Variants in SLC9A9 observed in about 807,000 individuals in gnomAD.
SLC9A9 encodes the protein solute carrier family 9 member A9.
Under a neutral mutation model 77.8 loss-of-function variants are expected in SLC9A9, and 62 were observed. The ratio of observed to expected loss-of-function variants is 0.80; its 90% CI spans 0.65 to 0.98. The LOEUF is 0.98. Ranked by LOEUF, SLC9A9 falls within the 50% of genes least tolerant of loss-of-function variation. SLC9A9 has a pLI of 0.00. For missense variants in SLC9A9, 775 were observed against 774.9 expected, an observed-to-expected ratio of 1.00 and a Z score of 0.00; for synonymous variants, 320 against 283.5, an observed-to-expected ratio of 1.13 and a Z score of -1.29.
intron 6 of SLC9A9, among the ~76,000 whole-genome samples, chr3:143,587,518 G>T (rs1415673542): frequency 6.6e-6 from 1 of 152,252 alleles, no homozygotes; most frequent in East Asian, 1.9e-4. Context: ...CCACAAGGAG[G>T]CCAGCATGGC....
intron 5 of SLC9A9, among the ~76,000 whole-genome samples, chr3:143,667,954 A>G (rs1415218220): frequency 2.6e-5 from 4 of 152,092 alleles, no homozygotes; most frequent in East Asian, 1.9e-4. Flanking sequence ...AACCAGAAAT[A>G]CCATTTGACC....
chr3:143,765,296 C>A (rs2007279186), intron 4 of SLC9A9, among the ~76,000 whole-genome samples: 1 of 152,050 alleles, frequency 6.6e-6, no homozygotes, highest in South Asian at 2.1e-4. Context: ...GCCTTGGCCT[C>A]CCAAAGTGCT....
intron 5 of SLC9A9, among the ~76,000 whole-genome samples, chr3:143,654,035 A>G (rs2108750303): frequency 6.6e-6 from 1 of 152,314 alleles, no homozygotes; most frequent in African/African-American, 2.4e-5. Context: ...CTTGAGAGGC[A>G]GCAAGGAATG....
chr3:143,498,283 T>A (rs1237225481), intron 9 of SLC9A9, among the ~76,000 whole-genome samples: 2 of 152,246 alleles, frequency 1.3e-5, no homozygotes, highest in African/African-American at 2.4e-5. Context: ...TAATATTTCA[T>A]AGTCTAGACT....
intron 12 of SLC9A9, among the ~76,000 whole-genome samples, chr3:143,448,967 A>T (rs866133189): frequency 0.066 from 1,049 of 15,932 alleles, 504 homozygotes; most frequent in East Asian, 0.17. Context: ...TAATTATATA[A>T]ATATAATTAT....
chr3:143,844,709 TTCTC>T (rs1244771537), intron 1 of SLC9A9, among the ~76,000 whole-genome samples: 6 of 148,950 alleles, frequency 4.0e-5, no homozygotes, highest in African/African-American at 7.4e-5. Flanking sequence ...TTAACTTTCT[TTCTC>T]TTTCTTTCTT....
At position 143,796,835 on chromosome 3, in the gene SLC9A9, A is replaced by T; in HGVS notation, c.447T>A (p.Ser149Arg). 6.2e-7 allele frequency: 1 copy of T among 1,607,262 alleles called. No individual in the cohort carries two copies. Among genetic ancestry groups the T allele is most frequent in the Non-Finnish European group, 8.5e-7 (1 of 1,174,548 alleles). ...ATCACTATATATTTACCTTCTTTAG[A>T]CTATATCCTGCATGAAATATAATTG... ...LPPIIFHAGY[S>R]LKKRHFFQNL... The change falls in exon 3 of 16, where the codon AGT becomes AGA. Residue 149 changes from serine to arginine, a missense_variant. Transcript: ENST00000316549.
chr3:143,362,761 C>A (rs987114633), intron 14 of SLC9A9, among the ~76,000 whole-genome samples: 3 of 152,194 alleles, frequency 2.0e-5, no homozygotes, highest in African/African-American at 7.2e-5. Context: ...TTCCTTGGAG[C>A]TTTTGCCTGG....
At position 143,266,910 on chromosome 3, in the gene SLC9A9, T is replaced by A; in HGVS notation, c.1730A>T (p.Asp577Val). ...QAYGEQLKED[D>V]VECIVNQDEL... is the part of the protein sequence containing the mutation. ...ATCCTGGTTTACAATGCATTCCACA[T>A]CATCCTCTTTTAGCTGTTCCTGGTT... The change falls in exon 16 of 16, where the codon GAT becomes GTT. Residue 577 changes from aspartate to valine, a missense_variant. Coordinates refer to ENST00000316549, the MANE Select transcript of SLC9A9 (RefSeq NM_173653.4). 3 of 1,614,018 alleles carry A rather than the reference T, an allele frequency of 1.9e-6. No individual in the cohort carries two copies.
chr3:143,524,276 C>A (rs1435569007), intron 9 of SLC9A9, among the ~76,000 whole-genome samples: 5 of 151,860 alleles, frequency 3.3e-5, no homozygotes, highest in African/African-American at 1.2e-4. Context: ...ATCCAAGACC[C>A]TGCTGAGATA....
Position 143,627,684 on chromosome 3 carries a change from G to A in SLC9A9, c.755+24571C>T, listed in dbSNP as rs185310832. ...GCAACCTTTTCAAAACCCAACACCA[G>A]TTGAGAACTGAATTGGTCCCATTGG... On this transcript the variant is annotated intron_variant, in intron 6 of 15. Coordinates refer to ENST00000316549, the MANE Select transcript of SLC9A9 (RefSeq NM_173653.4). 2.2e-3 allele frequency: 373 copies of A among 165,930 alleles called. 1 individual carries two copies. The highest frequency in any genetic ancestry group is 8.7e-3 in the African/African-American group (365 of 42,074). 10.3% of individuals were successfully genotyped at this position (165,930 alleles called of 1,614,324 possible).
At chr3:143,708,043 G>A (rs1386076213) in intron 4 of SLC9A9, among the ~76,000 whole-genome samples, 2 of 152,130 alleles carry the variant, frequency 1.3e-5, no homozygotes, top group Admixed American at 6.6e-5. Flanking sequence ...CCTCCCTTCT[G>A]TGAAGTGCTT....
intron 9 of SLC9A9, among the ~76,000 whole-genome samples, chr3:143,534,395 C>T (rs2036558539): frequency 6.6e-6 from 1 of 152,204 alleles, no homozygotes; most frequent in Admixed American, 6.5e-5. Flanking sequence ...ATACTGGTTT[C>T]CTCAAAATGG....
rs554430277 is a variant in SLC9A9 at position 143,547,583 on chromosome 3, C to T, written c.1089+4779G>A. On this transcript the variant is annotated intron_variant, in intron 9 of 15. Coordinates refer to ENST00000316549, the MANE Select transcript of SLC9A9 (RefSeq NM_173653.4). ...TGACCTGTCTCTTCTCACTGCTCTG[C>T]TATTTCTCTCATACTCTCCCTTGTT... Among the ~76,000 whole-genome samples the T allele has an allele frequency of 6.6e-5, 10 of 152,356 alleles. No homozygotes were observed. The South Asian group carries it at 2.1e-3, about 32-fold the overall frequency.
chr3:143,613,713 GC>G (rs1251754057), intron 6 of SLC9A9, among the ~76,000 whole-genome samples: 1 of 137,576 alleles, frequency 7.3e-6, no homozygotes, highest in East Asian at 2.1e-4. Context: ...CCACAGACAT[GC>G]CTCTCTTTTT....
At chr3:143,594,704 T>A (rs181532796) in intron 6 of SLC9A9, among the ~76,000 whole-genome samples, 1 of 152,290 alleles carries the variant, frequency 6.6e-6, no homozygotes, top group East Asian at 1.9e-4. Context: ...CTCTAAAGTA[T>A]CTAGTTTAAC....
intron 14 of SLC9A9, among the ~76,000 whole-genome samples, chr3:143,336,571 G>A (rs1440802979): frequency 6.6e-6 from 1 of 152,124 alleles, no homozygotes; most frequent in East Asian, 1.9e-4. Flanking sequence ...CTTTAAAAAG[G>A]ACAGAAATTC....
intron 5 of SLC9A9, among the ~76,000 whole-genome samples, chr3:143,683,546 T>A (rs1933167528): frequency 6.6e-6 from 1 of 152,056 alleles, no homozygotes; most frequent in South Asian, 2.1e-4. Context: ...AGGGCAAAAA[T>A]CGGGAAAATT....
At chr3:143,308,882 G>A (rs2030914582) in intron 14 of SLC9A9, among the ~76,000 whole-genome samples, 1 of 152,106 alleles carries the variant, frequency 6.6e-6, no homozygotes, top group South Asian at 2.1e-4. Flanking sequence ...TTTTTACTTT[G>A]ACACTGAAGT....
Sources: gnomAD v4.1 joint callset for allele counts (sites outside exome capture counted in the v4.1 genomes callset) on GRCh38, gnomAD v4.1.1 for gene constraint, MANE v1.5 for transcripts, NCBI Gene and HGNC (gene_info 2026-07-23, HGNC 2026-07-21) for gene names.